MAJIN: variants seen among roughly 807,000 people sequenced by gnomAD.
MAJIN encodes membrane-anchored junction protein.
In MAJIN, 27 loss-of-function variants were observed where a neutral mutation model predicts 30.2. That is an observed-to-expected ratio of 0.89 (90% CI 0.66 to 1.23). The LOEUF (loss-of-function observed/expected upper bound fraction) is 1.23. Ranked by LOEUF, MAJIN falls within the 50% of genes most tolerant of loss-of-function variation. The pLI is 0.00. For missense variants in MAJIN, 253 were observed against 260.3 expected (o/e 0.97, Z 0.19); for synonymous variants, 78 against 91.6 (o/e 0.85, Z 0.85).
chr11:64,957,602 C>A (rs1360864884), intron 3 of MAJIN, among the ~76,000 whole-genome samples: 2 of 151,928 alleles, frequency 1.3e-5, no homozygotes, highest in African/African-American at 4.8e-5. Context: ...CAGGGTTTCA[C>A]CATGTTGACC....
chr11:64,940,734 A>C (rs1163796452), intron 8 of MAJIN, 88 bp from the exon 9 acceptor site: 2 of 1,204,488 alleles, frequency 1.7e-6, no homozygotes, highest in African/African-American at 3.0e-5. Flanking sequence ...AACTGATTTC[A>C]TATCAGCACT....
intron 6 of MAJIN, among the ~76,000 whole-genome samples, chr11:64,948,227 C>T (rs1386217122): frequency 6.6e-6 from 1 of 151,918 alleles, no homozygotes. Context: ...TGCCCTTCTC[C>T]CTTCTACCTG....
intron 1 of MAJIN, among the ~76,000 whole-genome samples, chr11:64,965,410 A>G (rs909059968): frequency 6.6e-6 from 1 of 152,228 alleles, no homozygotes; most frequent in Non-Finnish European, 1.5e-5. Flanking sequence ...ACCAGAAAGG[A>G]GTCTAAATTA....
intron 4 of MAJIN, chr11:64,954,044 G>A (rs111444073): frequency 0.018 from 2,823 of 154,024 alleles, 86 homozygotes; most frequent in African/African-American, 0.065. Context: ...ACAAATTACC[G>A]AATTGTGAAG....
intron 3 of MAJIN, among the ~76,000 whole-genome samples, chr11:64,956,499 C>T (rs1050666931): frequency 2.0e-5 from 3 of 151,478 alleles, no homozygotes; most frequent in African/African-American, 7.3e-5. Flanking sequence ...CAAAACAAAA[C>T]AAAAACAAAA....
At chr11:64,953,841 C>G (rs1475212436) in intron 4 of MAJIN, among the ~76,000 whole-genome samples, 1 of 152,062 alleles carries the variant, frequency 6.6e-6, no homozygotes, top group African/African-American at 2.4e-5. Flanking sequence ...TTTTCTTGGT[C>G]CTATGTTAAA....
chr11:64,945,096 G>A (rs888325206), intron 8 of MAJIN, among the ~76,000 whole-genome samples: 2 of 152,154 alleles, frequency 1.3e-5, no homozygotes, highest in African/African-American at 4.8e-5. Context: ...GGTGGCTCAC[G>A]CCTGTAATCC....
chr11:64,958,452 C>CA (rs966363414), intron 3 of MAJIN, among the ~76,000 whole-genome samples: 2 of 151,308 alleles, frequency 1.3e-5, no homozygotes, highest in Admixed American at 6.6e-5. Context: ...TTCATTTCTA[C>CA]AAAAAAAATT....
intron 8 of MAJIN, among the ~76,000 whole-genome samples, 155 bp from the exon 9 acceptor site, chr11:64,940,801 T>A (rs1355920980): frequency 6.6e-6 from 1 of 151,136 alleles, no homozygotes; most frequent in Non-Finnish European, 1.5e-5. Context: ...TTTCTTTCCA[T>A]AGGACTGTCC....
Position 64,971,972 on chromosome 11 carries a change from C to A in MAJIN, c.-160G>T, listed in dbSNP as rs1331582430. The A allele has an allele frequency of 6.6e-6, 1 of 152,224 alleles. No homozygotes were observed. Among genetic ancestry groups the A allele is most frequent in the African/African-American group, 2.4e-5 (1 of 41,450 alleles). 9.4% of individuals were successfully genotyped at this position (152,224 alleles called of 1,614,324 possible). A position where few individuals can be genotyped will look rare whatever the true frequency, so the allele number is the denominator to read the frequency against. ...AGAAAAGTGGCCCCGGACGGAATAC[C>A]CACTAAGAAGTGCTCTCTGAAAAAG... On this transcript the variant is annotated 5_prime_UTR_variant, in exon 1 of 11. Coordinates refer to ENST00000301896, the MANE Select transcript of MAJIN (RefSeq NM_001037225.3).
intron 8 of MAJIN, among the ~76,000 whole-genome samples, chr11:64,944,921 G>A (rs1451089836): frequency 2.0e-5 from 3 of 152,136 alleles, no homozygotes; most frequent in Non-Finnish European, 2.9e-5. Flanking sequence ...AAATGGAGGA[G>A]GGGTATCAGA....
chr11:64,950,329 C>CAAAAAAAAAAAAAAA lies in MAJIN; in HGVS notation c.223+11_223+25dup, dbSNP rs71049671. 1.9e-6 allele frequency: 2 copies of CAAAAAAAAAAAAAAA among 1,027,240 alleles called. 1 individual carries two copies. Among genetic ancestry groups the CAAAAAAAAAAAAAAA allele is most frequent in the Non-Finnish European group, 2.5e-6 (2 of 785,752 alleles). 63.6% of individuals were successfully genotyped at this position (1,027,240 alleles called of 1,614,324 possible). On this transcript the variant is annotated intron_variant, in intron 5 of 10. Transcript: ENST00000301896. ...TGGGTGACAGAGCAAGACTCCATCT[C>CAAAAAAAAAAAAAAA]AAAAAAAAAAAAAAAAAAAGGATAC... is the stretch of plus-strand genomic sequence containing the variant.
At chr11:64,969,978 C>T (rs1945872267) in intron 1 of MAJIN, among the ~76,000 whole-genome samples, 1 of 151,994 alleles carries the variant, frequency 6.6e-6, no homozygotes, top group Non-Finnish European at 1.5e-5. Context: ...TTTGAGATGC[C>T]AATGAGATAG....
chr11:64,957,686 G>A (rs928262800), intron 3 of MAJIN, among the ~76,000 whole-genome samples: 1 of 152,106 alleles, frequency 6.6e-6, no homozygotes, highest in African/African-American at 2.4e-5. Flanking sequence ...TTACAGATGT[G>A]AGCCACTGAA....
At chr11:64,946,230 A>G (rs1470591435) in intron 8 of MAJIN, 8 of 1,429,170 alleles carry the variant, frequency 5.6e-6, no homozygotes, top group Non-Finnish European at 7.5e-6. Context: ...TGTGGCCCAA[A>G]TGAATATTTC....
intron 1 of MAJIN, among the ~76,000 whole-genome samples, chr11:64,967,661 C>T (rs1945833386): frequency 1.3e-5 from 2 of 152,050 alleles, no homozygotes; most frequent in Non-Finnish European, 2.9e-5. Flanking sequence ...GTAACCCGAA[C>T]ACAGTGGGCA....
chr11:64,964,922 T>C (rs1945783393), intron 1 of MAJIN, among the ~76,000 whole-genome samples: 1 of 152,160 alleles, frequency 6.6e-6, no homozygotes, highest in African/African-American at 2.4e-5. Context: ...CTTAGAATTA[T>C]AATTTTGGAC....
In MAJIN at chr11:64,951,555, G is replaced by A. The variant is rs372679890; in HGVS notation, c.148-1125C>T. On this transcript the variant is annotated intron_variant, in intron 4 of 10. Coordinates refer to ENST00000301896, the MANE Select transcript of MAJIN (RefSeq NM_001037225.3). ...CAAGGCAGGTGGACTGCTTGAGCCC[G>A]GGAGTTCAAGACTGGCCTGGGCAAC... Among the ~76,000 whole-genome samples, 103 of 152,200 alleles carry A rather than the reference G, an allele frequency of 6.8e-4. 2 individuals are homozygous for A. The East Asian group carries it at 0.01, about 15-fold the overall frequency.
chr11:64,957,887 G>A (rs908906505), intron 3 of MAJIN, among the ~76,000 whole-genome samples: 8 of 151,768 alleles, frequency 5.3e-5, no homozygotes, highest in African/African-American at 1.7e-4. Context: ...TAATAATACC[G>A]TATTTGTTGC....
Sources: allele counts gnomAD v4.1 joint callset (sites outside exome capture counted in the v4.1 genomes callset), GRCh38; gene constraint gnomAD v4.1.1; transcripts MANE v1.5; gene names NCBI Gene and HGNC (gene_info 2026-07-23, HGNC 2026-07-21).